Variants in ARL6IP1 observed in about 807,000 individuals in gnomAD.
ARL6IP1 encodes ADP-ribosylation factor-like protein 6-interacting protein 1.
ARL6IP1 carries 16 observed loss-of-function variants against 30.1 expected under a neutral mutation model. That is an observed-to-expected ratio of 0.53 (90% CI 0.36 to 0.81). The LOEUF (loss-of-function observed/expected upper bound fraction) is 0.81. ARL6IP1 is among the 30% of genes least tolerant of loss of function. The probability of loss-of-function intolerance (pLI) is 0.01; values close to 1 mark genes in which losing one functional copy is unlikely to be tolerated. For synonymous variants in ARL6IP1, 72 were observed against 84.8 expected, an observed-to-expected ratio of 0.85 and a Z score of 0.83; for missense variants, 173 against 242.7, an observed-to-expected ratio of 0.71 and a Z score of 1.91.
At chr16:18,797,811 C>T (rs2030286398) in intron 3 of ARL6IP1, 114 bp downstream of exon 3, 3 of 1,290,748 alleles carry the variant, frequency 2.3e-6, no homozygotes, top group African/African-American at 3.0e-5. Context: ...AAATCTAATG[C>T]TTAGGTGTCT....
rs774261675 is a variant in ARL6IP1 at position 18,792,431 on chromosome 16, G to A, written c.*821C>T. ...TCCTTTTGCCAGTCTTAGAGTGAAA[G>A]TCATAGACATGAGTCTTAACCTACT... is the stretch of plus-strand genomic sequence containing the variant. On this transcript the variant is annotated 3_prime_UTR_variant, in exon 6 of 6. Transcript: ENST00000304414. The A allele has an allele frequency of 1.3e-5, 2 of 152,188 alleles. No individual in the cohort carries two copies. Among genetic ancestry groups the A allele is most frequent in the African/African-American group, 2.4e-5 (1 of 41,426 alleles). The allele number at this position is 152,188 out of a possible 1,614,324, so 9.4% of individuals were successfully genotyped here.
chr16:18,796,039 A>G (rs1214509992), intron 3 of ARL6IP1, among the ~76,000 whole-genome samples: 2 of 152,204 alleles, frequency 1.3e-5, no homozygotes, highest in Admixed American at 6.5e-5. Context: ...CATTTAACAC[A>G]TAACACCCCC....
At chr16:18,796,227 A>T (rs887368033) in intron 3 of ARL6IP1, among the ~76,000 whole-genome samples, 6 of 152,176 alleles carry the variant, frequency 3.9e-5, no homozygotes, top group Non-Finnish European at 7.4e-5. Flanking sequence ...CTTGGTTCTG[A>T]TTTTTTTAAT....
chr16:18,796,186 C>A (rs1022108821), intron 3 of ARL6IP1, among the ~76,000 whole-genome samples: 2 of 152,170 alleles, frequency 1.3e-5, no homozygotes, highest in African/African-American at 4.8e-5. Context: ...AGAGACCCTC[C>A]AAGAAAACCT....
rs1459585343 is a variant in ARL6IP1, at chr16:18,791,850, A to T, written c.*1402T>A. 2 of 152,622 alleles carry T rather than the reference A, an allele frequency of 1.3e-5. No individual in the cohort carries two copies. Among genetic ancestry groups the T allele is most frequent in the East Asian group, 3.8e-4 (2 of 5,198 alleles). The allele number at this position is 152,622 out of a possible 1,614,324, so 9.5% of individuals were successfully genotyped here. On this transcript the variant is annotated 3_prime_UTR_variant, in exon 6 of 6. Coordinates refer to ENST00000304414, the MANE Select transcript of ARL6IP1 (RefSeq NM_015161.3). ...AAAATTAACGTAGTTTTCTTATGAA[A>T]TAATAAAAAAAAATCAAACATATGC...
Position 18,798,724 on chromosome 16 carries a change from C to T in ARL6IP1, c.147G>A (p.Met49Ile). The change falls in exon 2 of 6, where the codon ATG (methionine) becomes ATA (isoleucine). Residue 49 changes from methionine (M) to isoleucine (I), a missense_variant. Physicochemically the swap from Met to Ile is conservative, Grantham distance 10. Transcript: ENST00000304414. ...ACAGAAACACCAAAGAAACCACACC[C>T]ATGATGGCAGGTGGAAACCAGGCTC... ...WERAWFPPAI[M>I]GVVSLVFLII... The T allele has an allele frequency of 6.2e-7, 1 of 1,614,144 alleles. No homozygotes were observed. The highest frequency in any genetic ancestry group is 1.3e-5 in the African/African-American group (1 of 75,034).
rs767572069 is a variant in ARL6IP1, at chr16:18,798,044, C to T, written c.171G>A (p.Leu57=). The part of the protein sequence containing the change: ...AIMGVVSLVF[L]IIYYLDPSVL... ...CAGATGGATCTAGATAGTAGATAAT[C>T]CTGTTAAAAAAATTAATAAAGGTTA... is the stretch of plus-strand genomic sequence containing the variant. Residue 57 remains leucine, a splice_region_variant and synonymous_variant, in exon 3 of 6, where the codon CTG becomes CTA. Coordinates refer to ENST00000304414, the MANE Select transcript of ARL6IP1 (RefSeq NM_015161.3). The T allele has an allele frequency of 6.3e-7, 1 of 1,578,098 alleles. No homozygotes were observed.
At position 18,793,371 on chromosome 16, in the gene ARL6IP1, C is replaced by G; in HGVS notation, c.494-1G>C. ...CCAGGAAGCAATAGTAAGGAAGTCA[C>G]TTAAAATAAAAAAAAACCCAACATT... On this transcript the variant is annotated splice_acceptor_variant, in intron 5 of 5. Transcript: ENST00000304414. LOFTEE classifies it high-confidence loss of function. The G allele has an allele frequency of 6.4e-7, 1 of 1,556,452 alleles. No individual in the cohort carries two copies. The highest frequency in any genetic ancestry group is 8.7e-7 in the Non-Finnish European group (1 of 1,147,344).
chr16:18,794,707 A>G (rs764540459), intron 4 of ARL6IP1, 24 bp from the exon 5 acceptor site: 9 of 1,548,410 alleles, frequency 5.8e-6, no homozygotes, highest in Non-Finnish European at 8.0e-6. Flanking sequence ...CAAGAATTTA[A>G]TATCAAAACT....
intron 5 of ARL6IP1, 115 bp downstream of exon 5, chr16:18,794,484 C>T: frequency 1.5e-6 from 1 of 660,954 alleles, no homozygotes; most frequent in Non-Finnish European, 2.7e-6. Context: ...TTTCCATATT[C>T]CCACAGTTCC....
At chr16:18,794,061 C>A (rs1421593734) in intron 5 of ARL6IP1, among the ~76,000 whole-genome samples, 1 of 152,160 alleles carries the variant, frequency 6.6e-6, no homozygotes, top group Non-Finnish European at 1.5e-5. Context: ...AGGTGATTCT[C>A]ATGCCTCAGC....
At chr16:18,794,975 G>A (rs996886949) in intron 4 of ARL6IP1, among the ~76,000 whole-genome samples, 3 of 151,116 alleles carry the variant, frequency 2.0e-5, no homozygotes, top group Non-Finnish European at 2.9e-5. Context: ...GCCTCACGAC[G>A]TGAAGCTTAC....
Position 18,794,579 on chromosome 16 carries a change from GT to G in ARL6IP1, c.493+19del. 4.4e-6 allele frequency: 7 copies of G among 1,601,682 alleles called. No homozygotes were observed. Among genetic ancestry groups the G allele is most frequent in the Non-Finnish European group, 6.0e-6 (7 of 1,169,804 alleles). ...TTTCACTGGCCAGGATGTGCCTGTA[GT>G]TTTTCCTCAAAGACTTACCTATCAG... is the stretch of plus-strand genomic sequence containing the variant. On this transcript the variant is annotated intron_variant, in intron 5 of 5. Transcript: ENST00000304414.
rs772088162 is a variant in ARL6IP1, at chr16:18,793,344, G to C, written c.520C>G (p.Leu174Val). Residue 174 changes from leucine to valine, a missense_variant, in exon 6 of 6, where the codon CTA (leucine) becomes GTA (valine). By Grantham distance (32) the Leu-to-Val change is conservative. Transcript: ENST00000304414. ...TTCAAAATGATTCCATGTTGGTTTA[G>C]TCCAGGAAGCAATAGTAAGGAAGTC... Reference protein sequence around the residue: ...IVTSLLLLPGLNQHGIILKYI... With the variant: ...IVTSLLLLPGVNQHGIILKYI... 1 of 1,610,122 alleles carries C rather than the reference G, an allele frequency of 6.2e-7. No individual in the cohort carries two copies. Among genetic ancestry groups the C allele is most frequent in the Non-Finnish European group, 8.5e-7 (1 of 1,178,670 alleles).
At chr16:18,793,956 A>G (rs981570109) in intron 5 of ARL6IP1, among the ~76,000 whole-genome samples, 24 of 149,332 alleles carry the variant, frequency 1.6e-4, no homozygotes, top group African/African-American at 5.6e-4. Flanking sequence ...TCAGGTGATC[A>G]GAGGTTATTA....
At chr16:18,794,141 A>G (rs1279981318) in intron 5 of ARL6IP1, among the ~76,000 whole-genome samples, 3 of 151,742 alleles carry the variant, frequency 2.0e-5, no homozygotes, top group South Asian at 4.2e-4. Context: ...TAGTAGAGAC[A>G]GGGTTTCGCC....
At chr16:18,795,874 A>T (rs1263348535) in intron 3 of ARL6IP1, among the ~76,000 whole-genome samples, 1 of 152,052 alleles carries the variant, frequency 6.6e-6, no homozygotes, top group East Asian at 1.9e-4. Context: ...GTAGTAAAAG[A>T]CTCATGACTT....
Position 18,791,687 on chromosome 16 carries a change from A to C in ARL6IP1, c.*1565T>G, listed in dbSNP as rs999884261. ...AGACATGAAGATTCCAGCTTTTTTT[A>C]TTTTTTCCCCTTTTACACAAAACAA... On this transcript the variant is annotated 3_prime_UTR_variant, in exon 6 of 6. Coordinates refer to ENST00000304414, the MANE Select transcript of ARL6IP1 (RefSeq NM_015161.3). The C allele has an allele frequency of 6.6e-6, 1 of 152,104 alleles. No homozygotes were observed. Among genetic ancestry groups the C allele is most frequent in the African/African-American group, 2.4e-5 (1 of 41,436 alleles). 9.4% of individuals were successfully genotyped at this position (152,104 alleles called of 1,614,324 possible).
At chr16:18,799,033 T>C (rs555204699) in intron 1 of ARL6IP1, among the ~76,000 whole-genome samples, 199 bp from the exon 2 acceptor site, 1 of 152,256 alleles carries the variant, frequency 6.6e-6, no homozygotes, top group East Asian at 1.9e-4. Flanking sequence ...TGTGTTTTTT[T>C]TTTTGAGACG....
Sources: gnomAD v4.1 joint callset for allele counts (sites outside exome capture counted in the v4.1 genomes callset) on GRCh38, gnomAD v4.1.1 for gene constraint, MANE v1.5 for transcripts, NCBI Gene and HGNC (gene_info 2026-07-23, HGNC 2026-07-21) for gene names.